The following THBS1 variants were observed in gnomAD, a reference collection of about 807,000 sequenced individuals.
THBS1 encodes thrombospondin-1.
Under a neutral mutation model 126.1 loss-of-function variants are expected in THBS1, and 29 were observed. The ratio of observed to expected loss-of-function variants is 0.23; its 90% confidence interval spans 0.17 to 0.31. THBS1 has a LOEUF of 0.31. THBS1 is among the 10% of genes least tolerant of loss of function. The pLI, the probability that THBS1 is intolerant of heterozygous loss-of-function variation, is 1.00. For synonymous variants in THBS1, 496 were observed against 577.8 expected (o/e 0.86, Z 2.03); for missense variants, 1,198 against 1,545.2 (o/e 0.78, Z 3.77).
rs1566840160 is a variant in THBS1 at position 39,588,125 on chromosome 15, C to T, written c.1378C>T (p.Arg460Trp). Residue 460 changes from arginine to tryptophan, a missense_variant, in exon 9 of 22, where the codon CGG becomes TGG. By Grantham distance (101) the Arg-to-Trp change is moderately radical. Around this residue, in one of 4 missense-constraint regions of THBS1, gnomAD observed 663 missense variants for 860.1 expected, o/e 0.77. Coordinates refer to ENST00000260356, the MANE Select transcript of THBS1 (RefSeq NM_003246.4). The stretch of plus-strand genomic sequence containing the variant: ...TGGTGATGGTGTGATCACAAGGATC[C>T]GGCTCTGCAACTCTCCCAGCCCCCA... ...TCGDGVITRI[R>W]LCNSPSPQMN... The T allele has an allele frequency of 3.7e-6, 6 of 1,614,202 alleles. No individual in the cohort carries two copies. Among genetic ancestry groups the T allele is most frequent in the African/African-American group, 2.7e-5 (2 of 75,038 alleles).
At chr15:39,591,717 CTT>C in intron 16 of THBS1, 94 bp downstream of exon 16, 1 of 1,168,454 alleles carries the variant, frequency 8.6e-7, no homozygotes. Context: ...AGTTCAAACA[CTT>C]TCATTACTGT....
rs1175588938 is a variant in THBS1 at position 39,582,506 on chromosome 15, C to T, written c.381C>T (p.Thr127=). ...TGGTGTCCAATGGCAAGGCGGGCAC[C>T]CTGGACCTCAGCCTGACCGTCCAAG... ...FSVVSNGKAG[T]LDLSLTVQGK... is the part of the protein sequence containing the mutation. Residue 127 remains threonine (T), a synonymous_variant, in exon 3 of 22, where the codon ACC becomes ACT. Transcript: ENST00000260356. The T allele has an allele frequency of 1.9e-6, 3 of 1,614,132 alleles. No individual in the cohort carries two copies. Among genetic ancestry groups the T allele is most frequent in the Non-Finnish European group, 2.5e-6 (3 of 1,180,014 alleles).
intron 7 of THBS1, chr15:39,586,701 T>C (rs1890214127): frequency 1.3e-5 from 2 of 152,166 alleles, no homozygotes; most frequent in South Asian, 4.1e-4. Flanking sequence ...CAGAAATGAC[T>C]CCTATAAGCT....
At position 39,591,179 on chromosome 15, in the gene THBS1, T is replaced by C; in HGVS notation, c.2254-12T>C. 1 of 1,612,436 alleles carries C rather than the reference T, an allele frequency of 6.2e-7. No homozygotes were observed. The highest frequency in any genetic ancestry group is 1.1e-5 in the South Asian group (1 of 90,836). Reference sequence around the variant, plus strand: ...ACAACATTGTTAAGTGCTCCATTTCTTCTCTTTGCAGGACAACTGTCCATT... The same window carrying C: ...ACAACATTGTTAAGTGCTCCATTTCCTCTCTTTGCAGGACAACTGTCCATT... On this transcript the variant is annotated splice_polypyrimidine_tract_variant and intron_variant, in intron 14 of 21. Coordinates refer to ENST00000260356, the MANE Select transcript of THBS1 (RefSeq NM_003246.4).
Position 39,582,626 on chromosome 15 carries a change from G to A in THBS1, c.501G>A (p.Leu167=), listed in dbSNP as rs374693618. The change falls in exon 3 of 22, where the codon CTG becomes CTA. Residue 167 remains leucine (L), a synonymous_variant. Coordinates refer to ENST00000260356, the MANE Select transcript of THBS1 (RefSeq NM_003246.4). ...TTGTGCAGGAAGACAGGGCCCAGCT[G>A]TACATCGACTGTGAAAAGATGGAGA... ...TLFVQEDRAQ[L]YIDCEKMENA... 57 of 1,613,960 alleles carry A rather than the reference G, an allele frequency of 3.5e-5. No individual in the cohort carries two copies. The highest frequency in any genetic ancestry group is 4.2e-5 in the Non-Finnish European group (49 of 1,180,052).
chr15:39,591,476 A>G, intron 15 of THBS1, 29 bp from the exon 16 acceptor site: 1 of 1,613,084 alleles, frequency 6.2e-7, no homozygotes, highest in Admixed American at 1.7e-5. Flanking sequence ...TGGAGAGCCC[A>G]GCTCTTATTT....
At chr15:39,584,725 A>C (rs1471947489) in intron 6 of THBS1, among the ~76,000 whole-genome samples, 1 of 144,906 alleles carries the variant, frequency 6.9e-6, no homozygotes, top group Non-Finnish European at 1.5e-5. Flanking sequence ...GGTAAATAAA[A>C]CCTGGTTGGA....
intron 4 of THBS1, 59 bp from the exon 5 acceptor site, chr15:39,583,929 A>G: frequency 6.3e-7 from 1 of 1,589,782 alleles, no homozygotes; most frequent in Non-Finnish European, 8.6e-7. Context: ...ACCACTAAGA[A>G]CTCAAGAGGC....
chr15:39,586,347 G>A lies in THBS1; in HGVS notation c.1120+784G>A, dbSNP rs149055524. On this transcript the variant is annotated intron_variant, in intron 7 of 21. Transcript: ENST00000260356. ...CGTTTTTACATTTATTTTCTGTTCCGCATTCACTTAACATGTGCGTTAAAA... is the reference window on the plus strand; with the variant it reads ...CGTTTTTACATTTATTTTCTGTTCCACATTCACTTAACATGTGCGTTAAAA... Among the ~76,000 whole-genome samples the A allele has an allele frequency of 1.4e-3, 212 of 152,224 alleles. 1 individual carries two copies. Among genetic ancestry groups the A allele is most frequent in the African/African-American group, 4.9e-3 (202 of 41,518 alleles).
Position 39,591,340 on chromosome 15 carries a change from T to G in THBS1, c.2403T>G (p.Ile801Met). 1.2e-6 allele frequency: 2 copies of G among 1,613,746 alleles called. No individual in the cohort carries two copies. Among genetic ancestry groups the G allele is most frequent in the South Asian group, 2.2e-5 (2 of 90,974 alleles). The part of the protein sequence containing the change: ...NGEGDACAAD[I>M]DGDGILNERD... ...AAGGAGACGCCTGTGCTGCAGACAT[T>G]GATGGAGACGGTAAGGTGCTGCCTG... The change falls in exon 15 of 22, where the codon ATT becomes ATG. Residue 801 changes from isoleucine (I) to methionine (M), a missense_variant. By Grantham distance (10) the Ile-to-Met change is conservative. Around this residue, in one of 4 missense-constraint regions of THBS1, gnomAD observed 663 missense variants for 860.1 expected, o/e 0.77. Transcript: ENST00000260356.
Position 39,584,123 on chromosome 15 carries a change from T to C in THBS1, c.839T>C (p.Met280Thr). ...ATCTCCTGTGATGAGCTGTCCAGCA[T>C]GGTCCTGGAACTCAGGGGCCTGCGC... ...CGISCDELSS[M>T]VLELRGLRTI... Residue 280 changes from methionine to threonine, a missense_variant, in exon 5 of 22, where the codon ATG (methionine) becomes ACG (threonine). Around this residue, in one of 4 missense-constraint regions of THBS1, gnomAD observed 663 missense variants for 860.1 expected, o/e 0.77. Coordinates refer to ENST00000260356, the MANE Select transcript of THBS1 (RefSeq NM_003246.4). The C allele has an allele frequency of 1.2e-6, 2 of 1,614,244 alleles. No individual in the cohort carries two copies. Among genetic ancestry groups the C allele is most frequent in the Non-Finnish European group, 8.5e-7 (1 of 1,180,048 alleles).
chr15:39,588,779 T>C, intron 10 of THBS1, 80 bp downstream of exon 10: 1 of 1,556,734 alleles, frequency 6.4e-7, no homozygotes, highest in Non-Finnish European at 8.7e-7. Flanking sequence ...TCGAGGAGAT[T>C]CCAGCTTGGT....
Position 39,583,609 on chromosome 15 carries a change from G to T in THBS1, c.628-8G>T. 1 of 1,581,312 alleles carries T rather than the reference G, an allele frequency of 6.3e-7. No homozygotes were observed. Among genetic ancestry groups the T allele is most frequent in the South Asian group, 1.1e-5 (1 of 90,578 alleles). The stretch of plus-strand genomic sequence containing the variant: ...ATTCTACAAGTAATGTGTGTCCTCT[G>T]CCCACAGGGGGTGCTGCAGAATGTG... On this transcript the variant is annotated splice_polypyrimidine_tract_variant and splice_region_variant and intron_variant, in intron 3 of 21. Transcript: ENST00000260356.
intron 16 of THBS1, among the ~76,000 whole-genome samples, 171 bp downstream of exon 16, chr15:39,591,794 C>A (rs1020701871): frequency 3.3e-5 from 5 of 152,170 alleles, no homozygotes; most frequent in Non-Finnish European, 7.3e-5. Context: ...GATGTGAGCT[C>A]CTTGCACAGA....
At chr15:39,590,111 T>G (rs1890298910) in intron 13 of THBS1, 88 bp downstream of exon 13, 22 of 1,203,236 alleles carry the variant, frequency 1.8e-5, no homozygotes, top group Non-Finnish European at 2.5e-5. Context: ...ACTTAAAGTT[T>G]GGACATGAAA....
rs745449409 is a variant in THBS1, at chr15:39,594,227, AGTCACACTGAG to A, written c.3365+33_3365+43del. 6.2e-7 allele frequency: 1 copy of A among 1,613,864 alleles called. No individual in the cohort carries two copies. Among genetic ancestry groups the A allele is most frequent in the Non-Finnish European group, 8.5e-7 (1 of 1,179,798 alleles). On this transcript the variant is annotated intron_variant, in intron 20 of 21. Transcript: ENST00000260356. This position sits in a 1 kb window ranked among gnomAD's most constrained non-coding sequence, Gnocchi z 4.4. ...ATCATACTGATTCACTTTCACTTAC[AGTCACACTGAG>A]GGACAAAAAGACAAAAAGTATTAAA...
rs1409048466 is a variant in THBS1, at chr15:39,594,590, A to G, written c.3505+150A>G. 5 of 1,025,870 alleles carry G rather than the reference A, an allele frequency of 4.9e-6. No homozygotes were observed. Among genetic ancestry groups the G allele is most frequent in the South Asian group, 1.6e-5 (1 of 61,460 alleles). 63.5% of individuals were successfully genotyped at this position (1,025,870 alleles called of 1,614,324 possible). ...TTTGAGGACACAAGGACAAAAATGGAATAATGCCTAGGCACTGTGGCTTAT... is the reference window on the plus strand; with the variant it reads ...TTTGAGGACACAAGGACAAAAATGGGATAATGCCTAGGCACTGTGGCTTAT... On this transcript the variant is annotated intron_variant, in intron 21 of 21. Coordinates refer to ENST00000260356, the MANE Select transcript of THBS1 (RefSeq NM_003246.4). The surrounding 1 kb of genome is among the most constrained non-coding windows in gnomAD (Gnocchi z 4.4).
At chr15:39,588,355 C>T in intron 9 of THBS1, 137 bp downstream of exon 9, 1 of 1,294,746 alleles carries the variant, frequency 7.7e-7, no homozygotes, top group Non-Finnish European at 1.0e-6. Flanking sequence ...GAAGCAAAGT[C>T]CTGCAGGCTC....
Position 39,598,341 on chromosome 15 carries a change from A to G in THBS1, c.*2972A>G, listed in dbSNP as rs1890525800. On this transcript the variant is annotated 3_prime_UTR_variant, in exon 22 of 22. Coordinates refer to ENST00000260356, the MANE Select transcript of THBS1 (RefSeq NM_003246.4). ...TCTGAGTAGCCATGATCACATACAAATGTAAATTGCCAAATCATTTTATAG... is the reference window on the plus strand; with the variant it reads ...TCTGAGTAGCCATGATCACATACAAGTGTAAATTGCCAAATCATTTTATAG... The G allele has an allele frequency of 6.6e-6, 1 of 152,224 alleles. No individual in the cohort carries two copies. The allele number at this position is 152,224 out of a possible 1,614,324, so 9.4% of individuals were successfully genotyped here. A position where few individuals can be genotyped will look rare whatever the true frequency, so the allele number is the denominator to read the frequency against.
Sources: allele counts gnomAD v4.1 joint callset (sites outside exome capture counted in the v4.1 genomes callset), GRCh38; gene constraint gnomAD v4.1.1; regional missense constraint gnomAD v4.1.1; non-coding constraint Gnocchi (gnomAD v3.1); transcripts MANE v1.5; gene names NCBI Gene and HGNC (gene_info 2026-07-23, HGNC 2026-07-21).